The following ZNF227 variants were observed in gnomAD, a reference collection of about 807,000 sequenced individuals.
ZNF227 encodes zinc finger protein 227.
In ZNF227, 12 loss-of-function variants were observed where a neutral mutation model predicts 13.2. That is an observed-to-expected ratio of 0.91 (90% confidence interval 0.58 to 1.47). The LOEUF (loss-of-function observed/expected upper bound fraction) is 1.47, where lower values mean the gene tolerates loss of function less well. ZNF227 is among the 40% of genes most tolerant of loss of function. ZNF227 has a pLI of 0.00. For synonymous variants in ZNF227, 338 were observed against 326.0 expected, an observed-to-expected ratio of 1.04 and a Z score of -0.40; for missense variants, 885 against 967.5, an observed-to-expected ratio of 0.91 and a Z score of 1.13.
At chr19:44,213,417 T>A (rs1164134655) in intron 2 of ZNF227, 173 bp downstream of exon 2, 1 of 152,240 alleles carries the variant, frequency 6.6e-6, no homozygotes, top group African/African-American at 2.4e-5. Flanking sequence ...CTTACCACTT[T>A]GATTTTAAGG....
chr19:44,208,228 G>A (rs974129842), upstream of ZNF227, among the ~76,000 whole-genome samples: 3 of 152,162 alleles, frequency 2.0e-5, no homozygotes, highest in Admixed American at 6.5e-5. Context: ...CAGTTCTCAA[G>A]ATTAATGATT....
At chr19:44,217,327 T>G (rs1971995922) in intron 2 of ZNF227, 1 of 411,816 alleles carries the variant, frequency 2.4e-6, no homozygotes, top group Non-Finnish European at 4.8e-6. Flanking sequence ...GGACTCCTGG[T>G]TCTTAGAACT....
intron 2 of ZNF227, among the ~76,000 whole-genome samples, chr19:44,217,228 T>G (rs928527336): frequency 2.0e-5 from 3 of 151,930 alleles, no homozygotes; most frequent in Admixed American, 1.3e-4. Flanking sequence ...CCTCCTAAAG[T>G]GCTGGGATTA....
chr19:44,224,217 G>C (rs1312835215), intron 3 of ZNF227, among the ~76,000 whole-genome samples: 1 of 152,092 alleles, frequency 6.6e-6, no homozygotes, highest in African/African-American at 2.4e-5. Flanking sequence ...AATAGTTGTG[G>C]TGTGGTGCTG....
Position 44,235,870 on chromosome 19 carries a change from T to A in ZNF227, c.1440T>A (p.His480Gln). Reference sequence around the variant, plus strand: ...GCTTTACCCGTAATACAGATCTGCATATTCATTTCAGAGTTCACACGGGAG... The same window carrying A: ...GCTTTACCCGTAATACAGATCTGCAAATTCATTTCAGAGTTCACACGGGAG... The part of the protein sequence containing the change: ...GKGFTRNTDL[H>Q]IHFRVHTGEK... Residue 480 changes from histidine to glutamine, a missense_variant, in exon 6 of 6, where the codon CAT becomes CAA. Transcript: ENST00000313040. The A allele has an allele frequency of 6.2e-7, 1 of 1,613,328 alleles. No individual in the cohort carries two copies. The highest frequency in any genetic ancestry group is 1.1e-5 in the South Asian group (1 of 91,032).
At chr19:44,217,697 C>T (rs1419870031) in intron 2 of ZNF227, 94 bp from the exon 3 acceptor site, 2 of 1,327,486 alleles carry the variant, frequency 1.5e-6, no homozygotes, top group African/African-American at 1.4e-5. Context: ...GTGGCTATAC[C>T]TGTCTGAATG....
chr19:44,208,809 A>T (rs1360555248), upstream of ZNF227, among the ~76,000 whole-genome samples: 1 of 152,224 alleles, frequency 6.6e-6, no homozygotes, highest in Non-Finnish European at 1.5e-5. Flanking sequence ...CTGGGGCTTT[A>T]GAGTCTATAT....
intron 3 of ZNF227, among the ~76,000 whole-genome samples, chr19:44,219,868 G>T (rs1426592590): frequency 1.1e-3 from 154 of 142,032 alleles, no homozygotes; most frequent in South Asian, 2.2e-3. Context: ...CCATGTTGGT[G>T]TGCTGCACCC....
At chr19:44,219,218 C>A (rs1972196197) in intron 3 of ZNF227, among the ~76,000 whole-genome samples, 1 of 152,100 alleles carries the variant, frequency 6.6e-6, no homozygotes. Flanking sequence ...TAGACCCCAA[C>A]AATGCCCCTC....
chr19:44,216,260 C>T (rs1476498878), intron 2 of ZNF227, among the ~76,000 whole-genome samples: 1 of 151,052 alleles, frequency 6.6e-6, no homozygotes, highest in Non-Finnish European at 1.5e-5. Context: ...TGTAAATAAT[C>T]ATCTAGTTGA....
At chr19:44,222,863 C>T (rs1397760226) in intron 3 of ZNF227, among the ~76,000 whole-genome samples, 2 of 151,492 alleles carry the variant, frequency 1.3e-5, no homozygotes, top group Non-Finnish European at 2.9e-5. Context: ...GGAATGCTTC[C>T]AGTTTTTGCC....
chr19:44,223,400 CT>C (rs1170818416), intron 3 of ZNF227, among the ~76,000 whole-genome samples: 1 of 151,976 alleles, frequency 6.6e-6, no homozygotes, highest in African/African-American at 2.4e-5. Context: ...GTCCTGGACT[CT>C]TTTTGGTTGG....
chr19:44,221,690 A>C (rs1214895365), intron 3 of ZNF227, among the ~76,000 whole-genome samples: 1 of 152,010 alleles, frequency 6.6e-6, no homozygotes. Context: ...AGGTTGCAAA[A>C]ATTTTCTCCC....
At position 44,235,417 on chromosome 19, in the gene ZNF227, C is replaced by T. The variant is rs372984825; in HGVS notation, c.987C>T (p.Cys329=). 14 of 1,613,910 alleles carry T rather than the reference C, an allele frequency of 8.7e-6. No individual in the cohort carries two copies. Among genetic ancestry groups the T allele is most frequent in the South Asian group, 4.4e-5 (4 of 91,072 alleles). The change falls in exon 6 of 6, where the codon TGC becomes TGT. Residue 329 remains cysteine (C), a synonymous_variant. Coordinates refer to ENST00000313040, the MANE Select transcript of ZNF227 (RefSeq NM_182490.3). ...TGEKSYRCDS[C]GKGFSSSTGL... ...AGAAGTCTTATAGATGCGACAGTTG[C>T]GGCAAGGGATTCAGTAGCAGCACGG...
At chr19:44,224,576 C>G (rs1387059646) in intron 3 of ZNF227, among the ~76,000 whole-genome samples, 1 of 152,156 alleles carries the variant, frequency 6.6e-6, no homozygotes, top group Non-Finnish European at 1.5e-5. Context: ...TTATCAGAGA[C>G]AAGGATTGCA....
At chr19:44,228,708 C>T in intron 4 of ZNF227, 136 bp downstream of exon 4, 1 of 1,146,216 alleles carries the variant, frequency 8.7e-7, no homozygotes, top group Middle Eastern at 2.3e-4. Context: ...CCTGGGAAAA[C>T]AGGATAGGTT....
At chr19:44,224,955 C>A (rs1179242755) in intron 3 of ZNF227, among the ~76,000 whole-genome samples, 1 of 151,190 alleles carries the variant, frequency 6.6e-6, no homozygotes, top group Admixed American at 6.6e-5. Context: ...TCTTTTAGGG[C>A]AGGCCTGGTG....
At chr19:44,231,112 G>GA (rs1180300312) in intron 5 of ZNF227, among the ~76,000 whole-genome samples, 6 of 150,160 alleles carry the variant, frequency 4.0e-5, no homozygotes, top group Admixed American at 1.3e-4. Flanking sequence ...TAGATGATGT[G>GA]AATTTTTTTT....
In ZNF227 at chr19:44,235,871, A is replaced by G. The variant is rs1568619313; in HGVS notation, c.1441A>G (p.Ile481Val). 6 of 1,613,410 alleles carry G rather than the reference A, an allele frequency of 3.7e-6. No homozygotes were observed. Among genetic ancestry groups the G allele is most frequent in the Non-Finnish European group, 5.1e-6 (6 of 1,179,880 alleles). The change falls in exon 6 of 6, where the codon ATT (isoleucine) becomes GTT (valine). Residue 481 changes from isoleucine to valine, a missense_variant. Transcript: ENST00000313040. ...KGFTRNTDLH[I>V]HFRVHTGEKP... ...CTTTACCCGTAATACAGATCTGCAT[A>G]TTCATTTCAGAGTTCACACGGGAGA... is the stretch of plus-strand genomic sequence containing the variant.
Sources: allele counts gnomAD v4.1 joint callset (sites outside exome capture counted in the v4.1 genomes callset), GRCh38; gene constraint gnomAD v4.1.1; transcripts MANE v1.5; gene names NCBI Gene and HGNC (gene_info 2026-07-23, HGNC 2026-07-21).